The following THSD4 variants were observed in gnomAD, a reference collection of about 807,000 sequenced individuals.
The protein encoded by THSD4 is thrombospondin type 1 domain containing 4.
In THSD4, 69 loss-of-function variants were observed where a neutral mutation model predicts 119.0. The ratio of observed to expected loss-of-function variants is 0.58; its 90% CI spans 0.48 to 0.71. The LOEUF is 0.71. Ranked by LOEUF, THSD4 falls within the 30% of genes least tolerant of loss-of-function variation. The pLI is 0.00. For missense variants in THSD4, 1,393 were observed against 1,391.1 expected (o/e 1.00, Z -0.02); for synonymous variants, 524 against 540.4 (o/e 0.97, Z 0.42).
intron 1 of THSD4, among the ~76,000 whole-genome samples, chr15:71,102,456 T>C (rs1282651181): frequency 2.0e-5 from 3 of 152,226 alleles, no homozygotes; most frequent in African/African-American, 7.2e-5. Flanking sequence ...ATTAGATAAT[T>C]TCTATTGATC....
chr15:71,609,811 C>T (rs1371510909), intron 7 of THSD4, among the ~76,000 whole-genome samples: 4 of 138,762 alleles, frequency 2.9e-5, no homozygotes, highest in Admixed American at 2.4e-4. Context: ...GAGATCATGC[C>T]ACTGCACTCC....
intron 8 of THSD4, among the ~76,000 whole-genome samples, chr15:71,727,555 T>C (rs1337307748): frequency 1.2e-4 from 15 of 121,734 alleles, no homozygotes; most frequent in African/African-American, 5.6e-4. Context: ...AAAAAAAAAA[T>C]ATATATATAT....
intron 7 of THSD4, among the ~76,000 whole-genome samples, chr15:71,599,929 C>T (rs1403896881): frequency 6.6e-6 from 1 of 152,230 alleles, no homozygotes; most frequent in African/African-American, 2.4e-5. Flanking sequence ...CACCAAGAGA[C>T]ACTTTGGCTC....
chr15:71,285,542 C>A (rs1391113250), intron 6 of THSD4, among the ~76,000 whole-genome samples: 1 of 152,114 alleles, frequency 6.6e-6, no homozygotes, highest in African/African-American at 2.4e-5. Flanking sequence ...TGAATTGTTC[C>A]AAACCCCAAC....
chr15:71,558,871 A>T (rs954982382), intron 7 of THSD4, among the ~76,000 whole-genome samples: 1 of 152,070 alleles, frequency 6.6e-6, no homozygotes, highest in African/African-American at 2.4e-5. Context: ...GTGTTTTTTT[A>T]AATTTGAAAT....
rs182831688 is a variant in THSD4, at chr15:71,487,509, C to T, written c.1152+75686C>T. On this transcript the variant is annotated intron_variant, in intron 7 of 17. Transcript: ENST00000261862. ...TGAGCATCTTGATAGCTGTAACCTG[C>T]AAGAAACTGTCAACCAGTGTATAAG... Among the ~76,000 whole-genome samples the T allele has an allele frequency of 6.7e-3, 1,020 of 152,244 alleles. 43 individuals carry two copies. Among genetic ancestry groups the T allele is most frequent in the Admixed American group, 0.06 (925 of 15,296 alleles).
intron 7 of THSD4, among the ~76,000 whole-genome samples, chr15:71,442,512 C>G (rs1336020795): frequency 7.3e-6 from 1 of 137,306 alleles, no homozygotes; most frequent in African/African-American, 2.7e-5. Context: ...GAGGTTGCAG[C>G]GAGCCGAGAC....
At chr15:71,390,839 T>C (rs1340087257) in intron 6 of THSD4, among the ~76,000 whole-genome samples, 1 of 151,028 alleles carries the variant, frequency 6.6e-6, no homozygotes, top group African/African-American at 2.4e-5. Flanking sequence ...GTAATTATGA[T>C]TGGCTAAATC....
At chr15:71,215,861 C>G (rs8025623) in intron 4 of THSD4, among the ~76,000 whole-genome samples, 28,994 of 152,206 alleles carry the variant, frequency 0.19, 3,082 homozygotes, top group Middle Eastern at 0.27. Flanking sequence ...AGAATGCTCC[C>G]AAGCTGTAGG....
At chr15:71,634,183 G>A (rs1194493807) in intron 7 of THSD4, among the ~76,000 whole-genome samples, 4 of 137,990 alleles carry the variant, frequency 2.9e-5, no homozygotes, top group Non-Finnish European at 4.7e-5. Context: ...GTGAAACTCC[G>A]TCTCAAAAAA....
At chr15:71,107,768 T>G (rs1181497131) in intron 1 of THSD4, among the ~76,000 whole-genome samples, 1 of 152,226 alleles carries the variant, frequency 6.6e-6, no homozygotes, top group Non-Finnish European at 1.5e-5. Context: ...AGACTGAGGA[T>G]GCTAATGGGG....
intron 6 of THSD4, among the ~76,000 whole-genome samples, chr15:71,294,176 T>C (rs1039287175): frequency 6.6e-6 from 1 of 152,222 alleles, no homozygotes; most frequent in Non-Finnish European, 1.5e-5. Flanking sequence ...TCTTTCTTTC[T>C]CCAAGCCTAC....
chr15:71,578,877 T>A (rs2049506461), intron 7 of THSD4, among the ~76,000 whole-genome samples: 1 of 145,676 alleles, frequency 6.9e-6, no homozygotes, highest in Admixed American at 7.1e-5. Flanking sequence ...GGAGTCTTGC[T>A]GTGTCGCCCA....
intron 7 of THSD4, among the ~76,000 whole-genome samples, chr15:71,646,424 C>T (rs2050969480): frequency 6.6e-6 from 1 of 152,160 alleles, no homozygotes; most frequent in South Asian, 2.1e-4. Flanking sequence ...ATTTTACTTC[C>T]ATATTTGCTG....
At chr15:71,145,563 G>A (rs2040649717) in intron 2 of THSD4, among the ~76,000 whole-genome samples, 1 of 152,148 alleles carries the variant, frequency 6.6e-6, no homozygotes, top group African/African-American at 2.4e-5. Flanking sequence ...AACCAAAAGG[G>A]TTGAGGAAAT....
chr15:71,347,125 C>T (rs751204735), intron 6 of THSD4, among the ~76,000 whole-genome samples: 23 of 152,112 alleles, frequency 1.5e-4, no homozygotes, highest in African/African-American at 3.9e-4. Flanking sequence ...CTGCCCGCCT[C>T]GGTGTCCCAA....
At chr15:71,387,565 G>A (rs2046311672) in intron 6 of THSD4, among the ~76,000 whole-genome samples, 1 of 152,156 alleles carries the variant, frequency 6.6e-6, no homozygotes, top group Non-Finnish European at 1.5e-5. Flanking sequence ...CCAGGTGGAG[G>A]ATGAATGGGT....
chr15:71,745,894 C>T (rs1457225210), intron 12 of THSD4, among the ~76,000 whole-genome samples: 2 of 152,208 alleles, frequency 1.3e-5, no homozygotes, highest in Non-Finnish European at 2.9e-5. Flanking sequence ...GTCTGCCCAC[C>T]TCAGCCTCCC....
chr15:71,775,280 T>A (rs534267261), intron 17 of THSD4, among the ~76,000 whole-genome samples: 2 of 152,344 alleles, frequency 1.3e-5, no homozygotes, highest in South Asian at 4.1e-4. Flanking sequence ...CAAAAAATTA[T>A]CTAAATATAT....
Sources: gnomAD v4.1 joint callset for allele counts (sites outside exome capture counted in the v4.1 genomes callset) on GRCh38, gnomAD v4.1.1 for gene constraint, MANE v1.5 for transcripts, NCBI Gene and HGNC (gene_info 2026-07-23, HGNC 2026-07-21) for gene names.